Variants in PCDHA9 observed in about 807,000 individuals in gnomAD.
PCDHA9 encodes the protein protocadherin alpha 9.
PCDHA9 carries 62 observed loss-of-function variants against 62.0 expected under a neutral mutation model. The observed-to-expected ratio is 1.00, with a 90% CI of 0.81 to 1.23. The LOEUF (loss-of-function observed/expected upper bound fraction) is 1.23, where lower values mean the gene tolerates loss of function less well. PCDHA9 is among the 50% of genes most tolerant of loss of function. PCDHA9 has a pLI of 0.00. For synonymous variants in PCDHA9, 557 were observed against 567.6 expected, an observed-to-expected ratio of 0.98 and a Z score of 0.27; for missense variants, 1,205 against 1,249.8, an observed-to-expected ratio of 0.96 and a Z score of 0.54.
At chr5:140,875,754 G>A (rs369339386) in intron 1 of PCDHA9, 2 of 1,614,254 alleles carry the variant, frequency 1.2e-6, no homozygotes, top group African/African-American at 2.7e-5. Flanking sequence ...ACCGCGAGAA[G>A]CTGTGCGGGC....
intron 1 of PCDHA9, among the ~76,000 whole-genome samples, chr5:140,855,674 A>G (rs1431720219): frequency 1.3e-5 from 2 of 149,852 alleles, no homozygotes; most frequent in Non-Finnish European, 3.0e-5. Context: ...CTACTCTGAG[A>G]GTCTACATTT....
rs2042221712 is a variant in PCDHA9 at position 140,852,026 on chromosome 5, C to T, written c.2394+1137C>T. The T allele has an allele frequency of 3.2e-6, 3 of 945,562 alleles. 1 individual carries two copies. Among genetic ancestry groups the T allele is most frequent in the Non-Finnish European group, 1.3e-6 (1 of 780,832 alleles). The allele number at this position is 945,562 out of a possible 1,614,324, so 58.6% of individuals were successfully genotyped here. On this transcript the variant is annotated intron_variant, in intron 1 of 3. Transcript: ENST00000532602. ...CTAATTTATAGTTTTAAAAACTTCG[C>T]TTATTGAGTTTTTGTTATGTGGTTT...
intron 1 of PCDHA9, chr5:140,871,020 A>C (rs1554164982): frequency 6.2e-7 from 1 of 1,613,302 alleles, no homozygotes; most frequent in East Asian, 2.2e-5. Context: ...TGGACGAGGC[A>C]GACTCGCCGC....
rs145968482 is a variant in PCDHA9, at chr5:140,977,336, C to G, written c.2395-1613C>G. Among the ~76,000 whole-genome samples, 133 of 152,262 alleles carry G rather than the reference C, an allele frequency of 8.7e-4. 2 individuals carry two copies. The highest frequency in any genetic ancestry group is 3.9e-4 in the East Asian group (2 of 5,188). On this transcript the variant is annotated intron_variant, in intron 1 of 3. Coordinates refer to ENST00000532602, the MANE Select transcript of PCDHA9 (RefSeq NM_031857.2). Reference sequence around the variant, plus strand: ...GTGCTCCTGATGGCGAGGGGAGAGACGGTGATGATGACTGATTGATAAAAA... The same window carrying G: ...GTGCTCCTGATGGCGAGGGGAGAGAGGGTGATGATGACTGATTGATAAAAA...
At chr5:140,933,221 G>T (rs952837794) in intron 1 of PCDHA9, among the ~76,000 whole-genome samples, 1 of 151,758 alleles carries the variant, frequency 6.6e-6, no homozygotes, top group Non-Finnish European at 1.5e-5. Flanking sequence ...CTGTTATATT[G>T]CATTTATGAA....
intron 1 of PCDHA9, among the ~76,000 whole-genome samples, chr5:140,897,966 T>C (rs1339473229): frequency 5.3e-5 from 8 of 152,276 alleles, no homozygotes; most frequent in African/African-American, 1.9e-4. Flanking sequence ...TTCATGTGTC[T>C]TTTGGCTGCA....
rs781827236 is a variant in PCDHA9, at chr5:140,877,873, T to C, written c.2394+26984T>C. ...TTAATATTATTTAGATATATTTGTT[T>C]CCTTGAAGAACTTCCGTTTAGGTTA... On this transcript the variant is annotated intron_variant, in intron 1 of 3. Transcript: ENST00000532602. 6.8e-6 allele frequency: 10 copies of C among 1,481,404 alleles called. 1 individual carries two copies. In the Admixed American group the frequency reaches 2.1e-4, roughly 30 times the overall value. 91.8% of individuals were successfully genotyped at this position (1,481,404 alleles called of 1,614,324 possible).
At chr5:140,969,064 C>T (rs2096292525) in intron 1 of PCDHA9, 1 of 1,614,136 alleles carries the variant, frequency 6.2e-7, no homozygotes, top group Non-Finnish European at 8.5e-7. Context: ...ATATTGATGC[C>T]AGGATACCGC....
intron 1 of PCDHA9, among the ~76,000 whole-genome samples, chr5:140,943,664 T>G (rs1404337303): frequency 6.6e-6 from 1 of 151,998 alleles, no homozygotes; most frequent in Non-Finnish European, 1.5e-5. Flanking sequence ...GAACAATGTA[T>G]AAAGTGTGAA....
At chr5:140,942,663 A>G (rs2153659608) in intron 1 of PCDHA9, among the ~76,000 whole-genome samples, 1 of 152,294 alleles carries the variant, frequency 6.6e-6, no homozygotes, top group African/African-American at 2.4e-5. Context: ...AAAAGCAATA[A>G]GCACAAAAGT....
intron 1 of PCDHA9, among the ~76,000 whole-genome samples, chr5:140,937,624 A>G (rs2091636613): frequency 6.6e-6 from 1 of 150,778 alleles, no homozygotes; most frequent in Non-Finnish European, 1.5e-5. Context: ...CTAAAAAGAA[A>G]AAGAAAGGCA....
At position 140,976,185 on chromosome 5, in the gene PCDHA9, A is replaced by G. The variant is rs545410193; in HGVS notation, c.2395-2764A>G. Among the ~76,000 whole-genome samples the G allele has an allele frequency of 4.6e-5, 7 of 152,340 alleles. No homozygotes were observed. The South Asian group carries it at 1.2e-3, about 27-fold the overall frequency. ...TTTAGTTTTGTATTGTTTTAAATCAATATCCTGGAAACTCAGAAGTAAAAA... is the reference window on the plus strand; with the variant it reads ...TTTAGTTTTGTATTGTTTTAAATCAGTATCCTGGAAACTCAGAAGTAAAAA... On this transcript the variant is annotated intron_variant, in intron 1 of 3. Coordinates refer to ENST00000532602, the MANE Select transcript of PCDHA9 (RefSeq NM_031857.2).
At chr5:140,996,082 T>A (rs782553216) in intron 3 of PCDHA9, among the ~76,000 whole-genome samples, 6 of 152,248 alleles carry the variant, frequency 3.9e-5, no homozygotes, top group Non-Finnish European at 7.3e-5. Context: ...AAGATGTTTT[T>A]GCTAGATTAC....
chr5:140,927,191 T>C, intron 1 of PCDHA9: 16 of 1,614,144 alleles, frequency 9.9e-6, no homozygotes, highest in Non-Finnish European at 1.4e-5. Context: ...TACGACCTGG[T>C]GCTCGAGGAC....
In PCDHA9 at chr5:140,981,687, ATCATTCATTCAT is replaced by A. The variant is rs200213847; in HGVS notation, c.2454-771_2454-760del. Among the ~76,000 whole-genome samples the A allele has an allele frequency of 3.0e-3, 453 of 152,088 alleles. 7 individuals are homozygous for A. In the East Asian group the frequency reaches 0.044, roughly 15 times the overall value. Reference sequence around the variant, plus strand: ...CTTCCTTTCTTCCTTCCTCCCTTCCATCATTCATTCATTCATTCATTCATTCATCCAACAAAT... The same window carrying A: ...CTTCCTTTCTTCCTTCCTCCCTTCCATCATTCATTCATTCATCCAACAAAT... On this transcript the variant is annotated intron_variant, in intron 2 of 3. Transcript: ENST00000532602.
intron 1 of PCDHA9, among the ~76,000 whole-genome samples, chr5:140,913,961 A>T (rs909283613): frequency 2.0e-5 from 3 of 149,744 alleles, no homozygotes; most frequent in South Asian, 2.1e-4. Context: ...TATCATTTTT[A>T]AAAAAATATT....
chr5:140,937,071 T>G (rs2091308048), intron 1 of PCDHA9, among the ~76,000 whole-genome samples: 1 of 147,932 alleles, frequency 6.8e-6, no homozygotes, highest in African/African-American at 2.5e-5. Context: ...GGAGTCTCGC[T>G]CTGTCGCCCA....
At chr5:140,973,324 C>T (rs1261856526) in intron 1 of PCDHA9, among the ~76,000 whole-genome samples, 4 of 152,174 alleles carry the variant, frequency 2.6e-5, no homozygotes, top group Admixed American at 1.3e-4. Context: ...ACAGAGTTTA[C>T]ACTCGTTGTA....
intron 1 of PCDHA9, among the ~76,000 whole-genome samples, chr5:140,922,827 A>G (rs2081011863): frequency 1.3e-5 from 2 of 152,244 alleles, no homozygotes; most frequent in South Asian, 4.1e-4. Context: ...GCATACTGCT[A>G]ATAGATGTCC....
Sources: allele counts gnomAD v4.1 joint callset (sites outside exome capture counted in the v4.1 genomes callset), GRCh38; gene constraint gnomAD v4.1.1; transcripts MANE v1.5; gene names NCBI Gene and HGNC (gene_info 2026-07-23, HGNC 2026-07-21).